INPP5A: variants seen among roughly 807,000 people sequenced by gnomAD.
The protein encoded by INPP5A is inositol polyphosphate-5-phosphatase A.
Under a neutral mutation model 65.2 loss-of-function variants are expected in INPP5A, and 14 were observed. The ratio of observed to expected loss-of-function variants is 0.21; its 90% confidence interval spans 0.14 to 0.34. The LOEUF (loss-of-function observed/expected upper bound fraction) is 0.34, where lower values mean the gene tolerates loss of function less well. Among genes scored for constraint, INPP5A ranks in the 10% least tolerant of loss-of-function variants. The probability of loss-of-function intolerance (pLI) is 1.00; values close to 1 mark genes in which losing one functional copy is unlikely to be tolerated. For synonymous variants in INPP5A, 207 were observed against 208.3 expected (o/e 0.99, Z 0.05); for missense variants, 431 against 545.6 (o/e 0.79, Z 2.09).
intron 8 of INPP5A, among the ~76,000 whole-genome samples, chr10:132,726,079 T>C (rs913483445): frequency 1.3e-5 from 2 of 152,102 alleles, no homozygotes; most frequent in Non-Finnish European, 2.9e-5. Flanking sequence ...TTCTGAGATC[T>C]TTTTACAGGC....
intron 1 of INPP5A, among the ~76,000 whole-genome samples, chr10:132,592,942 T>C (rs1191310658): frequency 6.6e-6 from 1 of 152,090 alleles, no homozygotes; most frequent in Non-Finnish European, 1.5e-5. Context: ...CAGTGGGCTG[T>C]GTTCTCATCT....
intron 1 of INPP5A, among the ~76,000 whole-genome samples, chr10:132,570,089 C>G (rs1057415782): frequency 1.3e-5 from 2 of 150,900 alleles, no homozygotes; most frequent in Non-Finnish European, 2.9e-5. Context: ...CGTGAGCCAC[C>G]GCGCTGGGCC....
rs34485149 is a variant in INPP5A, at chr10:132,595,893, G to GT, written c.76-12010dup. On this transcript the variant is annotated intron_variant, in intron 1 of 15. Transcript: ENST00000368594. The stretch of plus-strand genomic sequence containing the variant: ...AGAGTTCCACATTTGAAAGTAATGA[G>GT]TTTTTTTTTTTTAACATTTCCCATA... Among the ~76,000 whole-genome samples, 553 of 147,788 alleles carry GT rather than the reference G, an allele frequency of 3.7e-3. 3 individuals carry two copies. The highest frequency in any genetic ancestry group is 9.3e-3 in the African/African-American group (374 of 40,082).
intron 1 of INPP5A, among the ~76,000 whole-genome samples, chr10:132,589,305 A>G (rs934194294): frequency 1.3e-5 from 2 of 152,246 alleles, no homozygotes; most frequent in Non-Finnish European, 2.9e-5. Context: ...GGCTCGAGGA[A>G]GCTGTGGGAG....
At chr10:132,781,684 G>T (rs1453466401) in intron 14 of INPP5A, among the ~76,000 whole-genome samples, 177 bp from the exon 15 acceptor site, 1 of 152,172 alleles carries the variant, frequency 6.6e-6, no homozygotes, top group Non-Finnish European at 1.5e-5. Context: ...CCCAACCCCT[G>T]CGCTGCCGTG....
chr10:132,648,882 T>G (rs2072534570), intron 3 of INPP5A, among the ~76,000 whole-genome samples: 1 of 152,254 alleles, frequency 6.6e-6, no homozygotes, highest in Admixed American at 6.5e-5. Context: ...TGGGGCCGTT[T>G]GAGCATTTGC....
intron 4 of INPP5A, among the ~76,000 whole-genome samples, chr10:132,666,459 A>T (rs549165487): frequency 6.6e-6 from 1 of 152,174 alleles, no homozygotes; most frequent in East Asian, 1.9e-4. Flanking sequence ...TGGAATTTAG[A>T]CAGTTAAAGT....
intron 1 of INPP5A, among the ~76,000 whole-genome samples, chr10:132,554,461 G>A (rs2071097716): frequency 6.6e-6 from 1 of 152,212 alleles, no homozygotes; most frequent in Non-Finnish European, 1.5e-5. Context: ...TAAGGAAGGG[G>A]CAGCTGTTCA....
intron 4 of INPP5A, among the ~76,000 whole-genome samples, chr10:132,669,342 C>G (rs905166165): frequency 2.6e-5 from 4 of 152,192 alleles, no homozygotes; most frequent in Admixed American, 2.0e-4. Flanking sequence ...CCGGGCCAGG[C>G]CTTCCCTGTG....
chr10:132,692,689 T>C (rs1308293351), intron 5 of INPP5A, among the ~76,000 whole-genome samples: 1 of 152,210 alleles, frequency 6.6e-6, no homozygotes, highest in Non-Finnish European at 1.5e-5. Flanking sequence ...GAATATCATA[T>C]TCAGAAAAAG....
intron 8 of INPP5A, among the ~76,000 whole-genome samples, chr10:132,713,102 A>G (rs150180518): frequency 4.9e-4 from 73 of 150,116 alleles, no homozygotes; most frequent in Non-Finnish European, 8.0e-4. Context: ...GTGTGCAGGT[A>G]CATGTGGGTA....
At chr10:132,608,986 C>T (rs951092256) in intron 2 of INPP5A, among the ~76,000 whole-genome samples, 19 of 152,196 alleles carry the variant, frequency 1.2e-4, no homozygotes, top group African/African-American at 4.1e-4. Context: ...GTCCTGCCTG[C>T]CAGTGCTCCC....
intron 1 of INPP5A, among the ~76,000 whole-genome samples, chr10:132,553,090 C>T (rs1163513500): frequency 6.0e-5 from 7 of 115,812 alleles, no homozygotes; most frequent in Admixed American, 4.6e-4. Flanking sequence ...GGAGGGAGGA[C>T]TGGTGAACGC....
chr10:132,733,179 C>T (rs1590966938), intron 9 of INPP5A, among the ~76,000 whole-genome samples: 1 of 151,830 alleles, frequency 6.6e-6, no homozygotes, highest in East Asian at 1.9e-4. Flanking sequence ...TTAGGGCCCA[C>T]CCCACCCAGG....
chr10:132,598,525 C>T (rs1322711464), intron 1 of INPP5A, among the ~76,000 whole-genome samples: 1 of 152,178 alleles, frequency 6.6e-6, no homozygotes, highest in Non-Finnish European at 1.5e-5. Flanking sequence ...GCTTATTTTC[C>T]TTAGCATAAT....
intron 3 of INPP5A, among the ~76,000 whole-genome samples, chr10:132,649,013 T>C (rs377471725): frequency 1.3e-5 from 2 of 152,214 alleles, no homozygotes; most frequent in East Asian, 3.8e-4. Context: ...AGTTACCTGA[T>C]GTTAGATTGC....
intron 9 of INPP5A, among the ~76,000 whole-genome samples, chr10:132,745,406 C>T (rs1846350919): frequency 1.3e-5 from 2 of 152,320 alleles, no homozygotes; most frequent in South Asian, 2.1e-4. Flanking sequence ...CTGGACTCTC[C>T]GTGTGGCAGG....
chr10:132,742,566 A>G (rs1401946611), intron 9 of INPP5A, among the ~76,000 whole-genome samples: 4 of 152,246 alleles, frequency 2.6e-5, no homozygotes, highest in Admixed American at 6.5e-5. Flanking sequence ...GTGTCCAGCC[A>G]GAGCTTCCCC....
intron 1 of INPP5A, among the ~76,000 whole-genome samples, chr10:132,588,330 C>G (rs980798153): frequency 1.3e-5 from 2 of 152,258 alleles, no homozygotes; most frequent in Non-Finnish European, 2.9e-5. Flanking sequence ...CGAGACAGCT[C>G]TCTGTCCTAC....
Sources: gnomAD v4.1 joint callset for allele counts (sites outside exome capture counted in the v4.1 genomes callset) on GRCh38, gnomAD v4.1.1 for gene constraint, MANE v1.5 for transcripts, NCBI Gene and HGNC (gene_info 2026-07-23, HGNC 2026-07-21) for gene names.